Variants in UBE4A observed in about 807,000 individuals in gnomAD.
UBE4A encodes ubiquitination factor E4A, also known as ubiquitin conjugation factor E4 A.
In UBE4A, 48 loss-of-function variants were observed where a neutral mutation model predicts 117.9. The ratio of observed to expected loss-of-function variants is 0.41; its 90% CI spans 0.32 to 0.52. The LOEUF (loss-of-function observed/expected upper bound fraction) is 0.52, where lower values mean the gene tolerates loss of function less well. Among genes scored for constraint, UBE4A ranks in the 20% least tolerant of loss-of-function variants. The probability of loss-of-function intolerance (pLI) is 0.33; values close to 1 mark genes in which losing one functional copy is unlikely to be tolerated. For missense variants in UBE4A, 1,067 were observed against 1,296.3 expected (o/e 0.82, Z 2.72); for synonymous variants, 407 against 450.0 (o/e 0.90, Z 1.21).
chr11:118,396,337 G>C lies in UBE4A; in HGVS notation c.3098G>C (p.Arg1033Pro). The C allele has an allele frequency of 6.2e-7, 1 of 1,612,988 alleles. No individual in the cohort carries two copies. The highest frequency in any genetic ancestry group is 1.1e-5 in the South Asian group (1 of 90,980). The stretch of plus-strand genomic sequence containing the variant: ...AGTGACCAAACAGATCCCTTTAACC[G>C]TAGTCCCCTCACCATGGACCAGATC... ...LLSDQTDPFN[R>P]SPLTMDQIRP... Residue 1033 changes from arginine to proline, a missense_variant, in exon 20 of 20, where the codon CGT becomes CCT. Physicochemically the swap from Arg to Pro is moderately radical, Grantham distance 103. Transcript: ENST00000252108.
In UBE4A at chr11:118,375,732, A is replaced by C. The variant is rs536989429; in HGVS notation, c.1450+503A>C. 1.1e-3 allele frequency among the ~76,000 whole-genome samples: 173 copies of C among 152,218 alleles called. 1 individual carries two copies. The highest frequency in any genetic ancestry group is 3.8e-3 in the African/African-American group (157 of 41,574). On this transcript the variant is annotated intron_variant, in intron 9 of 19. Transcript: ENST00000252108. Reference sequence around the variant, plus strand: ...AGCTTTTAAATGTTGTACTTTAGTGAGACCTTCTCTCTGGATTTGGCAGCC... The same window carrying C: ...AGCTTTTAAATGTTGTACTTTAGTGCGACCTTCTCTCTGGATTTGGCAGCC...
chr11:118,374,535 G>A (rs575584515), intron 8 of UBE4A, among the ~76,000 whole-genome samples: 3 of 152,212 alleles, frequency 2.0e-5, no homozygotes, highest in African/African-American at 4.8e-5. Context: ...ATAGCCATGC[G>A]CATTAGTATA....
At chr11:118,369,045 AC>A (rs1215945288) in intron 3 of UBE4A, among the ~76,000 whole-genome samples, 1 of 152,176 alleles carries the variant, frequency 6.6e-6, no homozygotes, top group African/African-American at 2.4e-5. Flanking sequence ...TGCCTTTACT[AC>A]CTTAAAAAGG....
chr11:118,380,187 T>C (rs961686916), intron 11 of UBE4A, among the ~76,000 whole-genome samples: 142 of 142,848 alleles, frequency 9.9e-4, no homozygotes, highest in Non-Finnish European at 1.7e-3. Context: ...CAGTGAGTCA[T>C]TGAGGGGTGG....
In UBE4A at chr11:118,381,392, A is replaced by G. The variant is rs1265843073; in HGVS notation, c.1878A>G (p.Glu626=). 1 of 1,613,612 alleles carries G rather than the reference A, an allele frequency of 6.2e-7. No individual in the cohort carries two copies. The highest frequency in any genetic ancestry group is 2.2e-5 in the East Asian group (1 of 44,880). ...TCCAGTGAATATTTTCTTTTTCAGA[A>G]TTTTTTGCAGATAACCTGGGTGATT... ...DGYSSLAYVP[E]FFADNLGDFL... is the part of the protein sequence containing the mutation. Residue 626 remains glutamate, a splice_region_variant and synonymous_variant, in exon 12 of 20, where the codon GAA becomes GAG. Transcript: ENST00000252108.
chr11:118,390,449 A>T (rs1451754692), intron 17 of UBE4A, among the ~76,000 whole-genome samples: 4 of 145,578 alleles, frequency 2.7e-5, no homozygotes, highest in African/African-American at 1.0e-4. Flanking sequence ...TTATAATAAA[A>T]TATATATTAT....
chr11:118,375,260 G>GTA, intron 9 of UBE4A, 31 bp downstream of exon 9: 1 of 1,486,422 alleles, frequency 6.7e-7, no homozygotes, highest in East Asian at 2.3e-5. Flanking sequence ...TCAAAACTGT[G>GTA]TGTGTGTGTG....
At chr11:118,388,581 G>A (rs1367824354) in intron 16 of UBE4A, among the ~76,000 whole-genome samples, 1 of 151,822 alleles carries the variant, frequency 6.6e-6, no homozygotes, top group East Asian at 1.9e-4. Flanking sequence ...CTTAGGAGGC[G>A]GAGGTTGCAG....
chr11:118,369,121 T>C (rs993567372), intron 3 of UBE4A, among the ~76,000 whole-genome samples: 6 of 152,216 alleles, frequency 3.9e-5, no homozygotes, highest in Non-Finnish European at 8.8e-5. Flanking sequence ...GATGGAAGCC[T>C]TCAGAGGCAT....
Position 118,396,832 on chromosome 11 carries a change from A to C in UBE4A, c.*392A>C, listed in dbSNP as rs556051082. 8.3e-5 allele frequency: 15 copies of C among 181,708 alleles called. No homozygotes were observed. The highest frequency in any genetic ancestry group is 3.6e-4 in the African/African-American group (15 of 41,726). The allele number at this position is 181,708 out of a possible 1,614,324, so 11.3% of individuals were successfully genotyped here. A position where few individuals can be genotyped will look rare whatever the true frequency, so the allele number is the denominator to read the frequency against. On this transcript the variant is annotated 3_prime_UTR_variant, in exon 20 of 20. Coordinates refer to ENST00000252108, the MANE Select transcript of UBE4A (RefSeq NM_001204077.2). ...AACATTTTTGGTGAGTGCTGCTTTT[A>C]TAAATATGTGATGTCACATATTTCA...
At chr11:118,362,785 A>G (rs969632072) in intron 1 of UBE4A, among the ~76,000 whole-genome samples, 3 of 152,218 alleles carry the variant, frequency 2.0e-5, no homozygotes, top group African/African-American at 4.8e-5. Flanking sequence ...TGAAGCTGGT[A>G]TTCATTGACT....
At chr11:118,396,231 G>A in intron 19 of UBE4A, 83 bp from the exon 20 acceptor site, 3 of 1,512,726 alleles carry the variant, frequency 2.0e-6, no homozygotes, top group Non-Finnish European at 2.6e-6. Flanking sequence ...TTCTTAAGAT[G>A]CGACGCCCAG....
Position 118,368,773 on chromosome 11 carries a change from C to A in UBE4A, c.264C>A (p.Ile88=), listed in dbSNP as rs576828418. Residue 88 remains isoleucine (I), a synonymous_variant, in exon 3 of 20, where the codon ATC becomes ATA. Transcript: ENST00000252108. Reference sequence around the variant, plus strand: ...AGCAACTCAACATCAATCACATGATCCAAAGGATCTTCCTTATTACTCTGG... The same window carrying A: ...AGCAACTCAACATCAATCACATGATACAAAGGATCTTCCTTATTACTCTGG... ...ICEQLNINHM[I]QRIFLITLDN... 1.2e-6 allele frequency: 2 copies of A among 1,614,162 alleles called. No individual in the cohort carries two copies. Among genetic ancestry groups the A allele is most frequent in the Non-Finnish European group, 1.7e-6 (2 of 1,180,022 alleles).
At position 118,368,646 on chromosome 11, in the gene UBE4A, G is replaced by A. The variant is rs1003448235; in HGVS notation, c.137G>A (p.Ser46Asn). The A allele has an allele frequency of 1.2e-6, 2 of 1,614,128 alleles. No homozygotes were observed. Among genetic ancestry groups the A allele is most frequent in the East Asian group, 2.2e-5 (1 of 44,880 alleles). ...LKQQSDELPA[S>N]PDDSDNSVSE... ...TTTCTGGCAGATGAACTCCCAGCTA[G>A]CCCAGATGACTCGGATAATAGCGTG... is the stretch of plus-strand genomic sequence containing the variant. Residue 46 changes from serine (S) to asparagine (N), a missense_variant, in exon 3 of 20, where the codon AGC (serine) becomes AAC (asparagine). By Grantham distance (46) the Ser-to-Asn change is conservative. Transcript: ENST00000252108.
intron 1 of UBE4A, among the ~76,000 whole-genome samples, chr11:118,364,116 A>T (rs1056019610): frequency 5.9e-5 from 9 of 152,060 alleles, no homozygotes; most frequent in Non-Finnish European, 1.2e-4. Context: ...TGTTGTATTT[A>T]ATATTTCTAT....
chr11:118,381,113 C>A (rs1244503872), intron 11 of UBE4A, among the ~76,000 whole-genome samples: 1 of 152,066 alleles, frequency 6.6e-6, no homozygotes, highest in Admixed American at 6.6e-5. Flanking sequence ...GGGTTTAAAC[C>A]ACAGTTAACC....
At chr11:118,359,866 A>G (rs574404604) in intron 1 of UBE4A, among the ~76,000 whole-genome samples, 192 bp downstream of exon 1, 5 of 152,080 alleles carry the variant, frequency 3.3e-5, no homozygotes, top group Non-Finnish European at 5.9e-5. Flanking sequence ...ACAGTGCCCC[A>G]GCTTCTGATG....
intron 1 of UBE4A, among the ~76,000 whole-genome samples, chr11:118,360,544 A>G (rs1357521874): frequency 1.3e-5 from 2 of 152,182 alleles, no homozygotes; most frequent in African/African-American, 4.8e-5. Flanking sequence ...TCTATTTTAT[A>G]TTGATATATG....
At chr11:118,390,536 TA>T (rs1948805495) in intron 17 of UBE4A, 120 bp from the exon 18 acceptor site, 5 of 434,738 alleles carry the variant, frequency 1.2e-5, no homozygotes, top group Non-Finnish European at 1.5e-5. Context: ...TAAGTCTTTC[TA>T]TATCAAAAGA....
Sources: allele counts gnomAD v4.1 joint callset (sites outside exome capture counted in the v4.1 genomes callset), GRCh38; gene constraint gnomAD v4.1.1; transcripts MANE v1.5; gene names NCBI Gene and HGNC (gene_info 2026-07-23, HGNC 2026-07-21).